Variants in CDH8 observed in about 807,000 individuals in gnomAD.
CDH8 encodes the protein cadherin-8.
A neutral mutation model predicts 68.1 loss-of-function variants in CDH8; 17 were observed. The observed-to-expected ratio is 0.25, with a 90% confidence interval of 0.17 to 0.37. CDH8 has a LOEUF of 0.37. Among genes scored for constraint, CDH8 ranks in the 10% least tolerant of loss-of-function variants. The pLI, the probability that CDH8 is intolerant of heterozygous loss-of-function variation, is 1.00. For synonymous variants in CDH8, 372 were observed against 365.1 expected (o/e 1.02, Z -0.21); for missense variants, 763 against 999.3 (o/e 0.76, Z 3.19).
intron 2 of CDH8, among the ~76,000 whole-genome samples, chr16:61,982,259 G>T (rs1048601682): frequency 6.6e-6 from 1 of 151,504 alleles, no homozygotes; most frequent in Admixed American, 6.6e-5. Flanking sequence ...TCGCTCTATC[G>T]CCCAGGCTGG....
rs556039221 is a variant in CDH8, at chr16:61,844,371, G to T, written c.667+12748C>A. Among the ~76,000 whole-genome samples the T allele has an allele frequency of 3.0e-3, 457 of 151,988 alleles. 9 individuals carry two copies. Among genetic ancestry groups the T allele is most frequent in the Admixed American group, 0.027 (408 of 15,272 alleles). ...GGTGCAGCACACCAACATGGCACAT[G>T]TATACATATGTAACAAACCTGCACG... On this transcript the variant is annotated intron_variant, in intron 4 of 11. Coordinates refer to ENST00000577390, the MANE Select transcript of CDH8 (RefSeq NM_001796.5).
chr16:61,996,219 T>TA (rs140419153), intron 2 of CDH8, among the ~76,000 whole-genome samples: 11,362 of 152,194 alleles, frequency 0.075, 586 homozygotes, highest in African/African-American at 0.14. Flanking sequence ...AAGCACAGAT[T>TA]AAAAATAACA....
At chr16:61,798,437 A>G (rs969097712) in intron 7 of CDH8, among the ~76,000 whole-genome samples, 2 of 152,220 alleles carry the variant, frequency 1.3e-5, no homozygotes, top group Non-Finnish European at 2.9e-5. Flanking sequence ...GTTATCCAGT[A>G]TGGTAACCAC....
chr16:61,903,325 GTTTT>G (rs1428752022), intron 2 of CDH8, among the ~76,000 whole-genome samples: 5 of 152,068 alleles, frequency 3.3e-5, no homozygotes, highest in Non-Finnish European at 2.9e-5. Flanking sequence ...TTGTTTGTTT[GTTTT>G]GTTTTGTTTT....
chr16:61,894,613 A>C (rs140948732), intron 3 of CDH8, among the ~76,000 whole-genome samples: 237 of 152,266 alleles, frequency 1.6e-3, no homozygotes, highest in Middle Eastern at 3.4e-3. Flanking sequence ...TCTAAGATTA[A>C]ATTTATTCTA....
intron 2 of CDH8, among the ~76,000 whole-genome samples, chr16:62,017,861 T>A (rs1324637262): frequency 1.3e-5 from 2 of 152,050 alleles, no homozygotes; most frequent in Non-Finnish European, 2.9e-5. Flanking sequence ...CCCGGGCCAG[T>A]GACTCTTCAA....
intron 2 of CDH8, among the ~76,000 whole-genome samples, chr16:61,924,135 G>A (rs1964419903): frequency 6.6e-6 from 1 of 151,906 alleles, no homozygotes; most frequent in Admixed American, 6.6e-5. Context: ...TTGTTGTTGT[G>A]TTGTTGTCGT....
intron 4 of CDH8, among the ~76,000 whole-genome samples, chr16:61,841,751 G>A (rs1962687862): frequency 6.6e-6 from 1 of 152,034 alleles, no homozygotes; most frequent in South Asian, 2.1e-4. Context: ...TTACTTACAT[G>A]CTTGTATCAA....
intron 2 of CDH8, among the ~76,000 whole-genome samples, chr16:61,903,417 G>A (rs1267972537): frequency 2.0e-5 from 3 of 152,168 alleles, no homozygotes; most frequent in East Asian, 1.9e-4. Flanking sequence ...TCCGCCTGCC[G>A]GGTTGACGCC....
chr16:61,932,856 G>C (rs1964568244), intron 2 of CDH8, among the ~76,000 whole-genome samples: 1 of 152,166 alleles, frequency 6.6e-6, no homozygotes, highest in Admixed American at 6.5e-5. Flanking sequence ...TGGGAATCTT[G>C]TGAAAATACA....
chr16:61,717,888 G>C (rs1964760733), intron 9 of CDH8, among the ~76,000 whole-genome samples: 1 of 151,324 alleles, frequency 6.6e-6, no homozygotes, highest in Non-Finnish European at 1.5e-5. Flanking sequence ...ACCTTGAGAG[G>C]TAAATATTAA....
intron 2 of CDH8, among the ~76,000 whole-genome samples, chr16:61,963,070 C>T (rs2057906089): frequency 6.6e-6 from 1 of 152,168 alleles, no homozygotes; most frequent in African/African-American, 2.4e-5. Flanking sequence ...TAATTCTTCT[C>T]TGCCTAAGTT....
In CDH8 at chr16:61,713,762, A is replaced by G. The variant is rs974375642; in HGVS notation, c.1654+79T>C. ...GTTGAACAAAAATTATCTTAATGAT[A>G]ATTTTCAGTTATGTTATGAAATTGC... On this transcript the variant is annotated intron_variant, in intron 10 of 11. Coordinates refer to ENST00000577390, the MANE Select transcript of CDH8 (RefSeq NM_001796.5). 4 of 769,276 alleles carry G rather than the reference A, an allele frequency of 5.2e-6. No homozygotes were observed. The African/African-American group carries it at 7.0e-5, about 14-fold the overall frequency. The allele number at this position is 769,276 out of a possible 1,614,324, so 47.7% of individuals were successfully genotyped here. A position where few individuals can be genotyped will look rare whatever the true frequency, so the allele number is the denominator to read the frequency against.
At chr16:62,028,852 C>T (rs766358388) in intron 1 of CDH8, among the ~76,000 whole-genome samples, 24 of 152,144 alleles carry the variant, frequency 1.6e-4, no homozygotes, top group African/African-American at 3.1e-4. Flanking sequence ...TTTGAAGTCA[C>T]GCCCTTTGCA....
chr16:61,940,037 A>T (rs976720322), intron 2 of CDH8, among the ~76,000 whole-genome samples: 7 of 152,186 alleles, frequency 4.6e-5, no homozygotes. Context: ...TTCTTAGCAT[A>T]TCTCCTTATT....
In CDH8 at chr16:61,647,381, C is replaced by CAT. The variant is rs35197889; in HGVS notation, c.*6226_*6227insAT. The CAT allele has an allele frequency of 0.62, 94,292 of 152,940 alleles. 30,735 individuals are homozygous for CAT. Among genetic ancestry groups the CAT allele is most frequent in the African/African-American group, 0.84 (34,789 of 41,372 alleles). 9.5% of individuals were successfully genotyped at this position (152,940 alleles called of 1,614,324 possible). A position where few individuals can be genotyped will look rare whatever the true frequency, so the allele number is the denominator to read the frequency against. On this transcript the variant is annotated 3_prime_UTR_variant, in exon 12 of 12. Transcript: ENST00000577390. ...CAACAATCAGACTTGACAAAGATGA[C>CAT]AGCTCTCGAACTTTAGAGGTTAAGT...
intron 1 of CDH8, among the ~76,000 whole-genome samples, chr16:62,033,334 C>T (rs919716986): frequency 6.6e-6 from 1 of 152,186 alleles, no homozygotes; most frequent in Admixed American, 6.5e-5. Context: ...GGAATTCCTT[C>T]CCTTCAGAGT....
intron 2 of CDH8, among the ~76,000 whole-genome samples, chr16:61,996,829 CCTCA>C (rs1965811688): frequency 3.3e-5 from 5 of 152,268 alleles, no homozygotes; most frequent in Middle Eastern, 3.4e-3. Flanking sequence ...AATACTCCGA[CCTCA>C]CTCAGCCTCT....
At chr16:62,029,100 G>A (rs930595899) in intron 1 of CDH8, among the ~76,000 whole-genome samples, 11 of 152,120 alleles carry the variant, frequency 7.2e-5, no homozygotes, top group African/African-American at 1.7e-4. Context: ...ACCTGGGCAC[G>A]TTTATCTTAT....
Sources: gnomAD v4.1 joint callset for allele counts (sites outside exome capture counted in the v4.1 genomes callset) on GRCh38, gnomAD v4.1.1 for gene constraint, MANE v1.5 for transcripts, NCBI Gene and HGNC (gene_info 2026-07-23, HGNC 2026-07-21) for gene names.